Variants in PTPN21 observed in about 807,000 individuals in gnomAD.
PTPN21 encodes the protein protein tyrosine phosphatase non-receptor type 21, also known as tyrosine-protein phosphatase non-receptor type 21.
Under a neutral mutation model 131.8 loss-of-function variants are expected in PTPN21, and 77 were observed. The ratio of observed to expected loss-of-function variants is 0.58; its 90% CI spans 0.49 to 0.71. The LOEUF (loss-of-function observed/expected upper bound fraction) is 0.71, where lower values mean the gene tolerates loss of function less well. Ranked by LOEUF, PTPN21 falls within the 30% of genes least tolerant of loss-of-function variation. PTPN21 has a pLI of 0.00. For missense variants in PTPN21, 1,552 were observed against 1,527.1 expected (o/e 1.02, Z -0.27); for synonymous variants, 715 against 621.3 (o/e 1.15, Z -2.24).
chr14:88,501,966 C>CA (rs368367062), intron 6 of PTPN21, among the ~76,000 whole-genome samples: 86 of 147,530 alleles, frequency 5.8e-4, no homozygotes, highest in African/African-American at 1.9e-3. Context: ...GTCTGGGCAA[C>CA]AAAAAAACAA....
chr14:88,534,385 GA>G lies in PTPN21; in HGVS notation c.180+15852del, dbSNP rs1187780398. ...GCAACAAAGTAAGACTGTCTCAAAAGAAAAAAAAAAAAGTTTAAAAAGTAAA... is the reference window on the plus strand; with the variant it reads ...GCAACAAAGTAAGACTGTCTCAAAAGAAAAAAAAAAAGTTTAAAAAGTAAA... On this transcript the variant is annotated intron_variant, in intron 2 of 18. Coordinates refer to ENST00000556564, the MANE Select transcript of PTPN21 (RefSeq NM_007039.4). 6.7e-3 allele frequency among the ~76,000 whole-genome samples: 718 copies of G among 106,500 alleles called. 4 individuals are homozygous for G. The highest frequency in any genetic ancestry group is 0.021 in the African/African-American group (598 of 28,924). 69.9% of individuals were successfully genotyped at this position (106,500 alleles called of 152,430 possible).
Position 88,478,901 on chromosome 14 carries a change from T to C in PTPN21, c.2511+19A>G. 1 of 1,451,922 alleles carries C rather than the reference T, an allele frequency of 6.9e-7. No individual in the cohort carries two copies. Among genetic ancestry groups the C allele is most frequent in the Non-Finnish European group, 9.1e-7 (1 of 1,102,606 alleles). 89.9% of individuals were successfully genotyped at this position (1,451,922 alleles called of 1,614,324 possible). A position where few individuals can be genotyped will look rare whatever the true frequency, so the allele number is the denominator to read the frequency against. ...AACGCGCGGTCCCCTGGCCCGGCAC[T>C]GCTCGCCGCGTGGCTTACCCCTAGA... On this transcript the variant is annotated intron_variant, in intron 13 of 18. Transcript: ENST00000556564.
intron 12 of PTPN21, among the ~76,000 whole-genome samples, chr14:88,484,714 C>T (rs1338855782): frequency 6.6e-6 from 1 of 152,008 alleles, no homozygotes; most frequent in South Asian, 2.1e-4. Flanking sequence ...CATGGTGAAA[C>T]CCCATGTCTA....
intron 2 of PTPN21, among the ~76,000 whole-genome samples, chr14:88,544,333 A>G (rs1404580663): frequency 1.3e-5 from 2 of 152,112 alleles, no homozygotes; most frequent in East Asian, 1.9e-4. Flanking sequence ...GCAACAGAGC[A>G]AGACTCCATC....
intron 8 of PTPN21, among the ~76,000 whole-genome samples, 159 bp downstream of exon 8, chr14:88,500,624 T>C (rs1328288551): frequency 6.6e-6 from 1 of 152,250 alleles, no homozygotes; most frequent in Non-Finnish European, 1.5e-5. Context: ...AAAAGGACTG[T>C]TGCATTCAGA....
intron 2 of PTPN21, among the ~76,000 whole-genome samples, chr14:88,534,896 A>T (rs188426453): frequency 2.2e-4 from 34 of 152,142 alleles, no homozygotes; most frequent in Non-Finnish European, 2.8e-4. Context: ...AAAAATTGTG[A>T]TATATTTAAT....
chr14:88,538,585 A>C (rs567844059), intron 2 of PTPN21, among the ~76,000 whole-genome samples: 2 of 152,328 alleles, frequency 1.3e-5, no homozygotes, highest in South Asian at 4.1e-4. Flanking sequence ...TAAAAATACA[A>C]AAATTAAATG....
chr14:88,508,051 T>A, intron 3 of PTPN21, 31 bp from the exon 4 acceptor site: 2 of 1,240,288 alleles, frequency 1.6e-6, no homozygotes, highest in Non-Finnish European at 2.3e-6. Flanking sequence ...ATAAGGTCAA[T>A]GTCAATATTA....
intron 2 of PTPN21, among the ~76,000 whole-genome samples, chr14:88,528,617 C>T (rs113783019): frequency 0.013 from 1,935 of 152,280 alleles, 30 homozygotes; most frequent in African/African-American, 0.042. Flanking sequence ...GCAGCTCTTT[C>T]TGGTGATAGT....
intron 12 of PTPN21, among the ~76,000 whole-genome samples, chr14:88,483,405 G>T (rs2077682192): frequency 1.3e-5 from 2 of 152,064 alleles, no homozygotes; most frequent in Admixed American, 1.3e-4. Flanking sequence ...TACCAGACAA[G>T]GGCAGGGTGC....
chr14:88,548,865 T>C (rs1489813512), intron 2 of PTPN21, among the ~76,000 whole-genome samples: 1 of 152,210 alleles, frequency 6.6e-6, no homozygotes, highest in Admixed American at 6.5e-5. Flanking sequence ...TCCTACCAAC[T>C]AGATTAGGGG....
In PTPN21 at chr14:88,467,886, C is replaced by A. The variant is rs958974664; in HGVS notation, c.*251G>T. The A allele has an allele frequency of 7.7e-6, 4 of 521,962 alleles. No homozygotes were observed. The highest frequency in any genetic ancestry group is 1.3e-5 in the Non-Finnish European group (4 of 296,698). 32.3% of individuals were successfully genotyped at this position (521,962 alleles called of 1,614,324 possible). On this transcript the variant is annotated 3_prime_UTR_variant, in exon 19 of 19. Transcript: ENST00000556564. ...CAAAATGTGTGCAAGTACTGCAAAC[C>A]GGACAGACCGGGGCAGGGCAAGGCC...
chr14:88,493,540 G>T (rs966676413), intron 10 of PTPN21, among the ~76,000 whole-genome samples: 1 of 152,216 alleles, frequency 6.6e-6, no homozygotes, highest in Non-Finnish European at 1.5e-5. Flanking sequence ...ACCCAGGACG[G>T]GGCGGGTGAG....
intron 14 of PTPN21, 120 bp from the exon 15 acceptor site, chr14:88,472,585 C>G (rs1305306053): frequency 1.5e-6 from 1 of 683,970 alleles, no homozygotes; most frequent in African/African-American, 1.8e-5. Context: ...ATTGAAAATT[C>G]TAGGTTGGGC....
At chr14:88,499,902 A>C (rs946510143) in intron 8 of PTPN21, among the ~76,000 whole-genome samples, 1 of 152,196 alleles carries the variant, frequency 6.6e-6, no homozygotes, top group African/African-American at 2.4e-5. Context: ...AGAATACTAT[A>C]AAGGAAATTA....
intron 12 of PTPN21, among the ~76,000 whole-genome samples, chr14:88,481,579 C>A (rs2077653643): frequency 6.6e-6 from 1 of 151,900 alleles, no homozygotes; most frequent in South Asian, 2.1e-4. Context: ...GGAATACAGG[C>A]AAGAAAAGGG....
At chr14:88,537,060 A>G (rs1233991666) in intron 2 of PTPN21, among the ~76,000 whole-genome samples, 1 of 152,158 alleles carries the variant, frequency 6.6e-6, no homozygotes, top group African/African-American at 2.4e-5. Flanking sequence ...TTTCTTCTAT[A>G]CTTGATCAAA....
chr14:88,517,871 GTATATATAC>G (rs1260043423), intron 2 of PTPN21, among the ~76,000 whole-genome samples: 1 of 144,470 alleles, frequency 6.9e-6, no homozygotes, highest in East Asian at 2.1e-4. Context: ...GTGTATATGT[GTATATATAC>G]TATATATACG....
rs1293914361 is a variant in PTPN21, at chr14:88,550,305, G to A, written c.113C>T (p.Thr38Ile). ...CTGGCCAGTGCTCTCCACGGACAGGGTGAACTCCACAAACTCGTTATTAAG... is the reference window on the plus strand; with the variant it reads ...CTGGCCAGTGCTCTCCACGGACAGGATGAACTCCACAAACTCGTTATTAAG... ...QLLNNEFVEF[T>I]LSVESTGQES... The change falls in exon 2 of 19, where the codon ACC (threonine) becomes ATC (isoleucine). Residue 38 changes from threonine (T) to isoleucine (I), a missense_variant. Coordinates refer to ENST00000556564, the MANE Select transcript of PTPN21 (RefSeq NM_007039.4). The A allele has an allele frequency of 1.2e-6, 2 of 1,614,096 alleles. No homozygotes were observed. The highest frequency in any genetic ancestry group is 1.7e-5 in the Admixed American group (1 of 60,012).
Sources: allele counts gnomAD v4.1 joint callset (sites outside exome capture counted in the v4.1 genomes callset), GRCh38; gene constraint gnomAD v4.1.1; transcripts MANE v1.5; gene names NCBI Gene and HGNC (gene_info 2026-07-23, HGNC 2026-07-21).